Variants in GPC5 observed in about 807,000 individuals in gnomAD.
GPC5 encodes the protein glypican-5.
GPC5 carries 47 observed loss-of-function variants against 53.9 expected under a neutral mutation model. The observed-to-expected ratio is 0.87, with a 90% CI of 0.69 to 1.11. GPC5 has a LOEUF of 1.11. Among genes scored for constraint, GPC5 ranks in the 50% most tolerant of loss-of-function variants. GPC5 has a pLI of 0.00. For synonymous variants in GPC5, 286 were observed against 263.3 expected (o/e 1.09, Z -0.84); for missense variants, 748 against 713.1 (o/e 1.05, Z -0.56).
At chr13:91,925,827 T>C (rs1420395614) in intron 6 of GPC5, among the ~76,000 whole-genome samples, 1 of 152,196 alleles carries the variant, frequency 6.6e-6, no homozygotes, top group East Asian at 1.9e-4. Context: ...TCTCAGAGAA[T>C]TAGTCACAAT....
intron 6 of GPC5, among the ~76,000 whole-genome samples, chr13:92,041,849 GC>G (rs1276418498): frequency 6.6e-6 from 1 of 152,192 alleles, no homozygotes; most frequent in African/African-American, 2.4e-5. Flanking sequence ...TTGTACAAAA[GC>G]CTTCTGTCCT....
rs148720024 is a variant in GPC5, at chr13:92,172,230, A to T, written c.1561+27241A>T. Among the ~76,000 whole-genome samples, 676 of 152,300 alleles carry T rather than the reference A, an allele frequency of 4.4e-3. 4 individuals carry two copies. Among genetic ancestry groups the T allele is most frequent in the East Asian group, 0.041 (212 of 5,170 alleles). The stretch of plus-strand genomic sequence containing the variant: ...TTATAAAATTGAGAGTGTATTTGGA[A>T]GAACAGAATTTCCAGTTTGGAGTAG... On this transcript the variant is annotated intron_variant, in intron 7 of 7. Transcript: ENST00000377067.
At position 91,611,567 on chromosome 13, in the gene GPC5, C is replaced by A. The variant is rs569884015; in HGVS notation, c.326-81620C>A. Among the ~76,000 whole-genome samples the A allele has an allele frequency of 3.9e-5, 6 of 152,270 alleles. No homozygotes were observed. The South Asian group carries it at 1.2e-3, about 32-fold the overall frequency. ...GCTGGCTCTTCTTTGATCTTATAGTCCAGTCAAGGTTTTTCATCATTCCCT... is the reference window on the plus strand; with the variant it reads ...GCTGGCTCTTCTTTGATCTTATAGTACAGTCAAGGTTTTTCATCATTCCCT... On this transcript the variant is annotated intron_variant, in intron 2 of 7. Coordinates refer to ENST00000377067, the MANE Select transcript of GPC5 (RefSeq NM_004466.6).
chr13:91,705,259 G>GT (rs1214375536), intron 3 of GPC5, among the ~76,000 whole-genome samples: 1 of 152,190 alleles, frequency 6.6e-6, no homozygotes, highest in Non-Finnish European at 1.5e-5. Context: ...AATCAGAAAG[G>GT]CTGGCTGCTA....
intron 5 of GPC5, among the ~76,000 whole-genome samples, chr13:91,800,037 T>G (rs1356323053): frequency 6.6e-6 from 1 of 152,060 alleles, no homozygotes; most frequent in Non-Finnish European, 1.5e-5. Flanking sequence ...TCTAAATAAT[T>G]AAGATCCTTC....
rs974295240 is a variant in GPC5, at chr13:91,634,022, C to T, written c.326-59165C>T. Among the ~76,000 whole-genome samples the T allele has an allele frequency of 3.4e-4, 51 of 152,140 alleles. 1 individual carries two copies. The highest frequency in any genetic ancestry group is 2.9e-5 in the Non-Finnish European group (2 of 68,010). Reference sequence around the variant, plus strand: ...AATAATAAAGCACACATTTGCTCTCCATCTGCCTGACTCCTAAGATTATCT... The same window carrying T: ...AATAATAAAGCACACATTTGCTCTCTATCTGCCTGACTCCTAAGATTATCT... On this transcript the variant is annotated intron_variant, in intron 2 of 7. Coordinates refer to ENST00000377067, the MANE Select transcript of GPC5 (RefSeq NM_004466.6).
At chr13:92,172,932 T>A (rs1284669749) in intron 7 of GPC5, among the ~76,000 whole-genome samples, 1 of 144,664 alleles carries the variant, frequency 6.9e-6, no homozygotes, top group East Asian at 2.2e-4. Flanking sequence ...AATTAAAAAA[T>A]TTAGGCAATT....
At chr13:91,467,138 T>C (rs1436915402) in intron 2 of GPC5, among the ~76,000 whole-genome samples, 1 of 152,178 alleles carries the variant, frequency 6.6e-6, no homozygotes, top group Non-Finnish European at 1.5e-5. Flanking sequence ...TAAAATCTAT[T>C]GTGGAAAATA....
intron 3 of GPC5, among the ~76,000 whole-genome samples, chr13:91,700,608 A>G (rs1232679514): frequency 6.6e-6 from 1 of 152,132 alleles, no homozygotes; most frequent in Non-Finnish European, 1.5e-5. Context: ...ACTAGAATGT[A>G]ATGTTGTGAA....
chr13:91,966,273 C>T (rs143504164), intron 6 of GPC5, among the ~76,000 whole-genome samples: 1,595 of 152,102 alleles, frequency 0.01, 16 homozygotes, highest in Non-Finnish European at 0.018. Flanking sequence ...GCAGAAAAAG[C>T]ATAGAAATAG....
intron 2 of GPC5, among the ~76,000 whole-genome samples, chr13:91,598,170 T>C (rs138374519): frequency 2.4e-4 from 37 of 152,266 alleles, no homozygotes; most frequent in African/African-American, 8.9e-4. Context: ...ACTTAAATTA[T>C]GAATGATGGT....
chr13:91,873,248 A>G (rs537670435), intron 5 of GPC5, among the ~76,000 whole-genome samples: 1 of 152,300 alleles, frequency 6.6e-6, no homozygotes, highest in South Asian at 2.1e-4. Context: ...AGTATTTTGC[A>G]TAGTGATTAA....
At chr13:92,436,834 C>T (rs1218051913) in intron 7 of GPC5, among the ~76,000 whole-genome samples, 1 of 151,994 alleles carries the variant, frequency 6.6e-6, no homozygotes, top group African/African-American at 2.4e-5. Flanking sequence ...ATTCCTAGTG[C>T]CCAGCACTGT....
chr13:92,234,905 A>G (rs2042559243), intron 7 of GPC5, among the ~76,000 whole-genome samples: 1 of 152,156 alleles, frequency 6.6e-6, no homozygotes, highest in Admixed American at 6.5e-5. Flanking sequence ...CCTTAACTTT[A>G]TCCATACAAA....
At chr13:92,803,811 A>C (rs1210640815) in intron 7 of GPC5, among the ~76,000 whole-genome samples, 1 of 151,950 alleles carries the variant, frequency 6.6e-6, no homozygotes, top group Non-Finnish European at 1.5e-5. Context: ...CACAAGCTAA[A>C]TCATGTATTG....
chr13:91,583,729 T>C (rs1265737672), intron 2 of GPC5, among the ~76,000 whole-genome samples: 1 of 152,174 alleles, frequency 6.6e-6, no homozygotes, highest in Non-Finnish European at 1.5e-5. Flanking sequence ...CACTTTCTGA[T>C]ATCAAGAGTC....
At chr13:92,682,877 G>A (rs767923049) in intron 7 of GPC5, among the ~76,000 whole-genome samples, 16 of 152,158 alleles carry the variant, frequency 1.1e-4, no homozygotes, top group Non-Finnish European at 2.1e-4. Context: ...GGCTTTCTGG[G>A]AAGAATGTGG....
At chr13:91,943,045 C>A (rs1003436664) in intron 6 of GPC5, among the ~76,000 whole-genome samples, 6 of 152,026 alleles carry the variant, frequency 3.9e-5, no homozygotes, top group African/African-American at 1.4e-4. Context: ...CATCTGTATG[C>A]AGGAACATCT....
chr13:92,005,264 T>C (rs77307565), intron 6 of GPC5, among the ~76,000 whole-genome samples: 147 of 152,310 alleles, frequency 9.7e-4, no homozygotes, highest in African/African-American at 3.5e-3. Flanking sequence ...AGAAATTTCT[T>C]ATACTTCACA....
Sources: gnomAD v4.1 joint callset for allele counts (sites outside exome capture counted in the v4.1 genomes callset) on GRCh38, gnomAD v4.1.1 for gene constraint, MANE v1.5 for transcripts, NCBI Gene and HGNC (gene_info 2026-07-23, HGNC 2026-07-21) for gene names.